TENM3: variants seen among roughly 807,000 people sequenced by gnomAD.
The protein encoded by TENM3 is teneurin transmembrane protein 3.
In TENM3, 63 loss-of-function variants were observed where a neutral mutation model predicts 255.1. That is an observed-to-expected ratio of 0.25 (90% CI 0.20 to 0.30). The LOEUF is 0.30. Ranked by LOEUF, TENM3 falls within the 10% of genes least tolerant of loss-of-function variation. The probability of loss-of-function intolerance (pLI) is 1.00; values close to 1 mark genes in which losing one functional copy is unlikely to be tolerated. For synonymous variants in TENM3, 1,306 were observed against 1,322.3 expected, an observed-to-expected ratio of 0.99 and a Z score of 0.27; for missense variants, 2,929 against 3,461.1, an observed-to-expected ratio of 0.85 and a Z score of 3.86.
chr4:182,638,574 AT>A (rs1752044424), intron 5 of TENM3, among the ~76,000 whole-genome samples: 1 of 152,228 alleles, frequency 6.6e-6, no homozygotes, highest in South Asian at 2.1e-4. Flanking sequence ...CCACCTCTGT[AT>A]AATACTAAGA....
the TENM3 span, among the ~76,000 whole-genome samples, chr4:181,969,565 T>C: frequency 1.3e-5 from 2 of 152,222 alleles, no homozygotes; most frequent in Non-Finnish European, 2.9e-5. Context: ...GGAATACCTG[T>C]CTTGTCTCTC....
At chr4:181,482,736 C>A in the TENM3 span, among the ~76,000 whole-genome samples, 5 of 152,240 alleles carry the variant, frequency 3.3e-5, no homozygotes, top group South Asian at 1.0e-3. Flanking sequence ...AGGTCCACTG[C>A]ATATGTTTTG....
At chr4:182,168,801 AGT>A (rs1251810442) in intron 1 of TENM3, among the ~76,000 whole-genome samples, 3 of 146,354 alleles carry the variant, frequency 2.0e-5, no homozygotes, top group Non-Finnish European at 3.1e-5. Context: ...GATATCTCTT[AGT>A]GCTGCTCAAC....
chr4:182,162,563 C>T (rs926011290), intron 1 of TENM3, among the ~76,000 whole-genome samples: 1 of 152,182 alleles, frequency 6.6e-6, no homozygotes, highest in Non-Finnish European at 1.5e-5. Context: ...TGAACACTCT[C>T]TTAGCCTGTT....
chr4:181,958,146 A>C, the TENM3 span, among the ~76,000 whole-genome samples: 1 of 152,206 alleles, frequency 6.6e-6, no homozygotes, highest in Non-Finnish European at 1.5e-5. Context: ...TATACTTAAA[A>C]TGGGAATTTT....
At chr4:182,387,569 G>T (rs1211829108) in intron 3 of TENM3, among the ~76,000 whole-genome samples, 1 of 152,100 alleles carries the variant, frequency 6.6e-6, no homozygotes, top group East Asian at 1.9e-4. Flanking sequence ...ACTGCTCATT[G>T]TTTGGGTCCA....
At chr4:182,011,354 TC>T in the TENM3 span, among the ~76,000 whole-genome samples, 6 of 152,160 alleles carry the variant, frequency 3.9e-5, no homozygotes, top group African/African-American at 1.4e-4. Context: ...ATTTCCCATA[TC>T]CAGATCCACT....
intron 12 of TENM3, among the ~76,000 whole-genome samples, chr4:182,696,029 G>C (rs892820493): frequency 4.6e-5 from 7 of 152,010 alleles, no homozygotes; most frequent in Non-Finnish European, 8.8e-5. Flanking sequence ...AAAAAGTCTT[G>C]TTTATGTGAC....
chr4:182,654,926 G>A (rs377754051), intron 6 of TENM3, among the ~76,000 whole-genome samples: 3 of 151,774 alleles, frequency 2.0e-5, no homozygotes, highest in Admixed American at 6.6e-5. Flanking sequence ...GGAATTTTAC[G>A]ACATTCGATT....
the TENM3 span, among the ~76,000 whole-genome samples, chr4:181,959,134 ATTG>A: frequency 1.3e-5 from 2 of 152,154 alleles, no homozygotes; most frequent in East Asian, 1.9e-4. Flanking sequence ...TCTTCAAAAA[ATTG>A]TTGTTGTTTG....
At chr4:182,783,151 T>G (rs374102606) in intron 24 of TENM3, among the ~76,000 whole-genome samples, 1 of 152,246 alleles carries the variant, frequency 6.6e-6, no homozygotes, top group African/African-American at 2.4e-5. Flanking sequence ...TTCCTAGTCT[T>G]GATGGTCTTT....
rs191770942 is a variant in TENM3 at position 182,457,246 on chromosome 4, C to T, written c.511+110317C>T. Among the ~76,000 whole-genome samples, 1,203 of 151,102 alleles carry T rather than the reference C, an allele frequency of 8.0e-3. 10 individuals carry two copies. Among genetic ancestry groups the T allele is most frequent in the African/African-American group, 0.027 (1,123 of 41,270 alleles). On this transcript the variant is annotated intron_variant, in intron 3 of 27. Coordinates refer to ENST00000511685, the MANE Select transcript of TENM3 (RefSeq NM_001080477.4). ...ACTCTAAAAACCAATTTTACTTTTT[C>T]CTGAGAAAATGAATAGAATTAGAGA...
At chr4:182,080,947 C>T in the TENM3 span, among the ~76,000 whole-genome samples, 1 of 152,012 alleles carries the variant, frequency 6.6e-6, no homozygotes, top group African/African-American at 2.4e-5. Context: ...GCCATGATGA[C>T]ACCACTGCAC....
the TENM3 span, among the ~76,000 whole-genome samples, chr4:181,930,363 C>T: frequency 6.6e-6 from 1 of 152,132 alleles, no homozygotes; most frequent in Non-Finnish European, 1.5e-5. Flanking sequence ...GAAATACAAA[C>T]TACCATCAGA....
At chr4:182,555,066 T>TA (rs1742447866) in intron 3 of TENM3, among the ~76,000 whole-genome samples, 1 of 152,184 alleles carries the variant, frequency 6.6e-6, no homozygotes, top group African/African-American at 2.4e-5. Flanking sequence ...CGTGGTTCCT[T>TA]ACTTAGCTCG....
chr4:181,455,387 C>G, the TENM3 span, among the ~76,000 whole-genome samples: 1 of 152,174 alleles, frequency 6.6e-6, no homozygotes, highest in East Asian at 1.9e-4. Context: ...TGCCATGGAG[C>G]AGAGGTCTTA....
chr4:181,620,577 T>C, the TENM3 span, among the ~76,000 whole-genome samples: 1 of 151,018 alleles, frequency 6.6e-6, no homozygotes, highest in Non-Finnish European at 1.5e-5. Context: ...CAATGTTTCA[T>C]GCAGAAAGCC....
chr4:182,616,107 G>T (rs573134338), intron 4 of TENM3, among the ~76,000 whole-genome samples: 4 of 152,180 alleles, frequency 2.6e-5, no homozygotes, highest in Non-Finnish European at 5.9e-5. Context: ...TTAATGTATG[G>T]AATGGTCTCT....
chr4:182,392,277 A>G (rs1768482423), intron 3 of TENM3, among the ~76,000 whole-genome samples: 1 of 152,202 alleles, frequency 6.6e-6, no homozygotes, highest in South Asian at 2.1e-4. Context: ...CACGTCTGGT[A>G]TCACCGGGGA....
Sources: gnomAD v4.1 joint callset for allele counts (sites outside exome capture counted in the v4.1 genomes callset) on GRCh38, gnomAD v4.1.1 for gene constraint, MANE v1.5 for transcripts, NCBI Gene and HGNC (gene_info 2026-07-23, HGNC 2026-07-21) for gene names.